Variants in ZNF385D observed in about 807,000 individuals in gnomAD.
ZNF385D encodes the protein zinc finger protein 659.
In ZNF385D, 15 loss-of-function variants were observed where a neutral mutation model predicts 35.8. The ratio of observed to expected loss-of-function variants is 0.42; its 90% CI spans 0.28 to 0.64. The LOEUF is 0.64. Among genes scored for constraint, ZNF385D ranks in the 30% least tolerant of loss-of-function variants. ZNF385D has a pLI of 0.23. For synonymous variants in ZNF385D, 212 were observed against 186.8 expected, an observed-to-expected ratio of 1.13 and a Z score of -1.10; for missense variants, 474 against 494.6, an observed-to-expected ratio of 0.96 and a Z score of 0.39.
chr3:21,549,506 C>T (rs2062495240), intron 3 of ZNF385D, among the ~76,000 whole-genome samples: 1 of 152,158 alleles, frequency 6.6e-6, no homozygotes, highest in African/African-American at 2.4e-5. Context: ...GTCCCAAATG[C>T]CAACTCAGAG....
chr3:22,130,075 A>C (rs1703684059), intron 3 of ZNF385D, among the ~76,000 whole-genome samples: 1 of 152,046 alleles, frequency 6.6e-6, no homozygotes, highest in Admixed American at 6.6e-5. Context: ...AGGCCATTGG[A>C]ATCCTTTGTG....
rs552799014 is a variant in ZNF385D, at chr3:21,965,851, G to T, written c.325+202966C>A. 6.6e-5 allele frequency among the ~76,000 whole-genome samples: 10 copies of T among 152,230 alleles called. No individual in the cohort carries two copies. The South Asian group carries it at 2.1e-3, about 32-fold the overall frequency. On this transcript the variant is annotated intron_variant, in intron 3 of 5. Transcript: ENST00000494108. ...TAGCTCAAAAATATGGAAGAAAGAA[G>T]GGAGGAAGGAATGGAAGAAGAAGAG...
chr3:21,497,440 G>T (rs889613666), intron 4 of ZNF385D, among the ~76,000 whole-genome samples: 1 of 152,122 alleles, frequency 6.6e-6, no homozygotes, highest in African/African-American at 2.4e-5. Context: ...TGGATAGAAA[G>T]AATTAATATT....
intron 2 of ZNF385D, among the ~76,000 whole-genome samples, chr3:21,614,601 G>GTT (rs767787516): frequency 2.1e-4 from 32 of 151,950 alleles, no homozygotes; most frequent in African/African-American, 7.7e-4. Context: ...TTGTTTGTTT[G>GTT]TTTTTTTGAG....
chr3:21,927,656 A>G (rs1403168159), intron 3 of ZNF385D, among the ~76,000 whole-genome samples: 1 of 152,214 alleles, frequency 6.6e-6, no homozygotes, highest in African/African-American at 2.4e-5. Context: ...TTTGCTATGC[A>G]CAATGTAAAC....
At chr3:21,601,776 C>T (rs1209255024) in intron 2 of ZNF385D, among the ~76,000 whole-genome samples, 1 of 152,004 alleles carries the variant, frequency 6.6e-6, no homozygotes, top group African/African-American at 2.4e-5. Context: ...TTTAGCAGTC[C>T]CGCCCCCTGG....
At chr3:22,093,079 G>A (rs937165034) in intron 3 of ZNF385D, among the ~76,000 whole-genome samples, 1 of 152,126 alleles carries the variant, frequency 6.6e-6, no homozygotes, top group African/African-American at 2.4e-5. Flanking sequence ...AAGACAAAGA[G>A]TGTGGATAGT....
chr3:22,141,319 T>G (rs7618444), intron 3 of ZNF385D, among the ~76,000 whole-genome samples: 1 of 152,162 alleles, frequency 6.6e-6, no homozygotes, highest in Non-Finnish European at 1.5e-5. Flanking sequence ...GAACATATTC[T>G]CTTTCTCCTG....
chr3:22,212,330 C>T (rs1697578172), intron 2 of ZNF385D, among the ~76,000 whole-genome samples: 1 of 152,004 alleles, frequency 6.6e-6, no homozygotes, highest in Admixed American at 6.6e-5. Context: ...TCTGTGCCTG[C>T]ACTTCTTCAT....
chr3:22,024,670 T>C (rs1026110296), intron 3 of ZNF385D, among the ~76,000 whole-genome samples: 3 of 152,152 alleles, frequency 2.0e-5, no homozygotes, highest in Non-Finnish European at 1.5e-5. Flanking sequence ...TAGAGAGTTA[T>C]GCAAAATAAA....
At chr3:21,750,827 T>C in intron 1 of ZNF385D, 68 bp downstream of exon 1, 1 of 1,603,332 alleles carries the variant, frequency 6.2e-7, no homozygotes, top group Non-Finnish European at 8.5e-7. Flanking sequence ...AAGAATTTTT[T>C]AAGGGCTTGT....
chr3:21,468,106 A>G (rs545338706), intron 4 of ZNF385D, among the ~76,000 whole-genome samples: 2 of 152,164 alleles, frequency 1.3e-5, no homozygotes, highest in Non-Finnish European at 2.9e-5. Flanking sequence ...AAATGTGTCC[A>G]TAAAAGTAGT....
At chr3:22,170,802 T>G (rs1437011438) in intron 2 of ZNF385D, among the ~76,000 whole-genome samples, 1 of 152,192 alleles carries the variant, frequency 6.6e-6, no homozygotes, top group African/African-American at 2.4e-5. Flanking sequence ...TTTATGCTTT[T>G]AAATCTTTTA....
chr3:21,815,427 A>G (rs545879589), intron 3 of ZNF385D, among the ~76,000 whole-genome samples: 1 of 152,220 alleles, frequency 6.6e-6, no homozygotes, highest in Non-Finnish European at 1.5e-5. Context: ...CAAAAGTGAT[A>G]GACCACTAGC....
At chr3:21,779,782 A>T (rs1417235133) in intron 3 of ZNF385D, among the ~76,000 whole-genome samples, 1 of 151,960 alleles carries the variant, frequency 6.6e-6, no homozygotes, top group Non-Finnish European at 1.5e-5. Context: ...AGATATCTAG[A>T]CATGTTTATA....
rs182040826 is a variant in ZNF385D, at chr3:22,243,265, T to C, written c.107-74230A>G. On this transcript the variant is annotated intron_variant, in intron 2 of 5. Coordinates refer to the ZNF385D transcript ENST00000494108. ...CATATATAAACAGCCAATAAGCACA[T>C]GAAAAGATGTTCAAATCCTTGGCCA... 5.2e-4 allele frequency among the ~76,000 whole-genome samples: 79 copies of C among 151,096 alleles called. 3 individuals carry two copies. The highest frequency in any genetic ancestry group is 1.8e-3 in the African/African-American group (73 of 40,924).
At chr3:21,449,232 T>C (rs1702324160) in intron 4 of ZNF385D, among the ~76,000 whole-genome samples, 2 of 151,790 alleles carry the variant, frequency 1.3e-5, no homozygotes, top group Middle Eastern at 3.4e-3. Context: ...AAACCATCTA[T>C]ACTGGCCATT....
intron 3 of ZNF385D, among the ~76,000 whole-genome samples, chr3:21,899,172 G>C (rs1052931400): frequency 1.3e-5 from 2 of 152,012 alleles, no homozygotes; most frequent in Admixed American, 6.6e-5. Context: ...TAGATGCCAA[G>C]AATGTTACTG....
At chr3:22,368,599 C>T (rs556916729) in intron 2 of ZNF385D, among the ~76,000 whole-genome samples, 64 of 152,258 alleles carry the variant, frequency 4.2e-4, no homozygotes, top group African/African-American at 1.2e-3. Context: ...TCAATGACTG[C>T]GGTGGGCCCT....
Sources: gnomAD v4.1 joint callset for allele counts (sites outside exome capture counted in the v4.1 genomes callset) on GRCh38, gnomAD v4.1.1 for gene constraint, MANE v1.5 for transcripts, NCBI Gene and HGNC (gene_info 2026-07-23, HGNC 2026-07-21) for gene names.